KALRN: variants seen among roughly 807,000 people sequenced by gnomAD.
The protein encoded by KALRN is kalirin RhoGEF kinase.
In KALRN, 70 loss-of-function variants were observed where a neutral mutation model predicts 353.7. The observed-to-expected ratio is 0.20, with a 90% CI of 0.16 to 0.24. The LOEUF (loss-of-function observed/expected upper bound fraction) is 0.24. Among genes scored for constraint, KALRN ranks in the 10% least tolerant of loss-of-function variants. The probability of loss-of-function intolerance (pLI) is 1.00; values close to 1 mark genes in which losing one functional copy is unlikely to be tolerated. For missense variants in KALRN, 2,791 were observed against 3,756.7 expected (o/e 0.74, Z 6.72); for synonymous variants, 1,391 against 1,434.8 (o/e 0.97, Z 0.69).
intron 10 of KALRN, among the ~76,000 whole-genome samples, chr3:124,358,996 A>T (rs949010594): frequency 2.0e-5 from 3 of 152,070 alleles, no homozygotes; most frequent in African/African-American, 7.2e-5. Flanking sequence ...CCCTCTTTCC[A>T]TGTGTGGATC....
intron 51 of KALRN, among the ~76,000 whole-genome samples, chr3:124,684,598 A>G (rs867054901): frequency 6.6e-6 from 1 of 152,212 alleles, no homozygotes; most frequent in Non-Finnish European, 1.5e-5. Flanking sequence ...CTCCAAGTGT[A>G]CAGGTGTTTA....
At chr3:124,060,651 T>C (rs2041923411) in intron 1 of KALRN, among the ~76,000 whole-genome samples, 1 of 152,214 alleles carries the variant, frequency 6.6e-6, no homozygotes, top group African/African-American at 2.4e-5. Flanking sequence ...CTGCTTCAAC[T>C]TAGAGGAGGC....
At chr3:124,070,106 C>T (rs937521759) in intron 1 of KALRN, among the ~76,000 whole-genome samples, 10 of 152,084 alleles carry the variant, frequency 6.6e-5, no homozygotes, top group South Asian at 2.1e-4. Context: ...AAAAATGAGA[C>T]GAAGATAGGA....
At chr3:124,052,093 C>G (rs2149154993) in intron 1 of KALRN, among the ~76,000 whole-genome samples, 1 of 152,276 alleles carries the variant, frequency 6.6e-6, no homozygotes, top group South Asian at 2.1e-4. Context: ...ACCTTTATGC[C>G]TGGTTCTCTG....
At chr3:124,373,248 T>G (rs1411092296) in intron 10 of KALRN, among the ~76,000 whole-genome samples, 1 of 152,188 alleles carries the variant, frequency 6.6e-6, no homozygotes, top group Non-Finnish European at 1.5e-5. Context: ...TGGTCTAAAA[T>G]GGTGGTTCTC....
intron 1 of KALRN, among the ~76,000 whole-genome samples, chr3:124,175,552 TG>T (rs1352551857): frequency 1.4e-5 from 2 of 145,180 alleles, no homozygotes; most frequent in African/African-American, 5.1e-5. Context: ...TGCGGAGATG[TG>T]CGCTGCCGAG....
chr3:124,202,737 G>T (rs541382149), intron 1 of KALRN, among the ~76,000 whole-genome samples: 1 of 152,166 alleles, frequency 6.6e-6, no homozygotes, highest in East Asian at 1.9e-4. Flanking sequence ...TACAATGGGG[G>T]CCCTTCCACC....
At chr3:124,204,533 A>T (rs937654802) in intron 1 of KALRN, among the ~76,000 whole-genome samples, 2 of 152,030 alleles carry the variant, frequency 1.3e-5, no homozygotes, top group African/African-American at 2.4e-5. Flanking sequence ...CAGATATTGG[A>T]TTGGTGCATA....
rs1277472674 is a variant in KALRN at position 124,725,919 on chromosome 3, A to G, written c.*6449A>G. ...GGTTTCCCCATAGGGACCATCGCAC[A>G]TATACATATAAGTACATACTTCCAT... On this transcript the variant is annotated 3_prime_UTR_variant, in exon 60 of 60. Transcript: ENST00000682506. 3 of 152,252 alleles carry G rather than the reference A, an allele frequency of 2.0e-5. No individual in the cohort carries two copies. The highest frequency in any genetic ancestry group is 7.2e-5 in the African/African-American group (3 of 41,458). The allele number at this position is 152,252 out of a possible 1,614,324, so 9.4% of individuals were successfully genotyped here.
intron 11 of KALRN, among the ~76,000 whole-genome samples, chr3:124,388,102 G>C (rs1257065478): frequency 6.6e-6 from 1 of 152,010 alleles, no homozygotes; most frequent in Non-Finnish European, 1.5e-5. Context: ...GCAAGATCTT[G>C]GATGCCAGGT....
chr3:124,063,858 G>T (rs1377495919), intron 1 of KALRN, among the ~76,000 whole-genome samples: 1 of 152,182 alleles, frequency 6.6e-6, no homozygotes, highest in Non-Finnish European at 1.5e-5. Flanking sequence ...GATCAGAAAG[G>T]CTGGGCCAGC....
intron 58 of KALRN, 134 bp downstream of exon 58, chr3:124,713,269 C>G (rs531983965): frequency 1.8e-6 from 1 of 559,114 alleles, no homozygotes; most frequent in East Asian, 3.1e-5. Flanking sequence ...AACATGCACT[C>G]TCTCCCCCAT....
chr3:124,638,050 A>G (rs143486386), intron 37 of KALRN, among the ~76,000 whole-genome samples: 33 of 152,314 alleles, frequency 2.2e-4, no homozygotes, highest in African/African-American at 7.9e-4. Context: ...CAGGATGACA[A>G]TTGGAAGCAT....
intron 3 of KALRN, 79 bp downstream of exon 3, chr3:124,235,022 C>A: frequency 1.1e-6 from 1 of 946,758 alleles, no homozygotes; most frequent in Non-Finnish European, 1.7e-6. Context: ...GCCTCCATCC[C>A]TGCCAGGGAC....
chr3:124,585,263 G>A (rs1003179150), intron 34 of KALRN, among the ~76,000 whole-genome samples: 2 of 152,186 alleles, frequency 1.3e-5, no homozygotes, highest in African/African-American at 4.8e-5. Flanking sequence ...CTATAGTGGC[G>A]GAGAAGTACC....
At chr3:124,451,295 G>C (rs2058754035) in intron 21 of KALRN, among the ~76,000 whole-genome samples, 1 of 151,722 alleles carries the variant, frequency 6.6e-6, no homozygotes, top group African/African-American at 2.4e-5. Context: ...AAGAGAGAGG[G>C]AGGGATAGAA....
At chr3:124,437,688 T>TAA (rs2093522187) in intron 17 of KALRN, among the ~76,000 whole-genome samples, 1 of 10,838 alleles carries the variant, frequency 9.2e-5, no homozygotes, top group African/African-American at 3.7e-4. Flanking sequence ...AGATTCCGTC[T>TAA]CAAAAAAAAA....
intron 1 of KALRN, among the ~76,000 whole-genome samples, chr3:124,215,227 T>A (rs892831928): frequency 6.6e-6 from 1 of 152,132 alleles, no homozygotes; most frequent in Non-Finnish European, 1.5e-5. Context: ...TTCTTTTACA[T>A]CTGGGGCACC....
At chr3:124,440,565 A>T (rs1261121276) in intron 18 of KALRN, among the ~76,000 whole-genome samples, 1 of 151,576 alleles carries the variant, frequency 6.6e-6, no homozygotes, top group Non-Finnish European at 1.5e-5. Context: ...TTTGTTGCTA[A>T]TTTTTTTATA....
Sources: gnomAD v4.1 joint callset for allele counts (sites outside exome capture counted in the v4.1 genomes callset) on GRCh38, gnomAD v4.1.1 for gene constraint, MANE v1.5 for transcripts, NCBI Gene and HGNC (gene_info 2026-07-23, HGNC 2026-07-21) for gene names.